Variants in COL11A2 observed in about 807,000 individuals in gnomAD.
The protein encoded by COL11A2 is collagen type XI alpha 2 chain, also known as collagen alpha-2(XI) chain.
Under a neutral mutation model 273.4 loss-of-function variants are expected in COL11A2, and 116 were observed. The observed-to-expected ratio is 0.42, with a 90% confidence interval of 0.36 to 0.49. COL11A2 has a LOEUF of 0.49. Ranked by LOEUF, COL11A2 falls within the 20% of genes least tolerant of loss-of-function variation. The probability of loss-of-function intolerance (pLI) is 0.00; values close to 1 mark genes in which losing one functional copy is unlikely to be tolerated. For synonymous variants in COL11A2, 782 were observed against 864.2 expected (o/e 0.90, Z 1.67); for missense variants, 1,866 against 2,309.0 (o/e 0.81, Z 3.93).
chr6:33,176,221 G>A lies in COL11A2; in HGVS notation c.2214+38C>T. 6.2e-7 allele frequency: 1 copy of A among 1,609,070 alleles called. No homozygotes were observed. Among genetic ancestry groups the A allele is most frequent in the South Asian group, 1.1e-5 (1 of 90,772 alleles). On this transcript the variant is annotated intron_variant, in intron 28 of 65. Coordinates refer to ENST00000341947, the MANE Select transcript of COL11A2 (RefSeq NM_080680.3). This position sits in a 1 kb window ranked among gnomAD's most constrained non-coding sequence, Gnocchi z 4.9. Reference sequence around the variant, plus strand: ...AAGGCAGTGAAGAGAGGAGATGGCAGGACTGAGGTGCTGGGAAGCTGGGGG... The same window carrying A: ...AAGGCAGTGAAGAGAGGAGATGGCAAGACTGAGGTGCTGGGAAGCTGGGGG...
chr6:33,184,405 C>A, intron 7 of COL11A2, 81 bp from the exon 8 acceptor site: 1 of 1,008,778 alleles, frequency 9.9e-7, no homozygotes, highest in Non-Finnish European at 1.4e-6. Context: ...CAGGGTGTGA[C>A]AACTTCTAGC....
chr6:33,176,133 C>T lies in COL11A2; in HGVS notation c.2215-64G>A. Reference sequence around the variant, plus strand: ...GAGGGCTGGGGTTCTAATGGGAATTCTGAGAACATAGGTGGAAGCAGGGGC... The same window carrying T: ...GAGGGCTGGGGTTCTAATGGGAATTTTGAGAACATAGGTGGAAGCAGGGGC... On this transcript the variant is annotated intron_variant, in intron 28 of 65. Coordinates refer to ENST00000341947, the MANE Select transcript of COL11A2 (RefSeq NM_080680.3). The surrounding 1 kb of genome is among the most constrained non-coding windows in gnomAD (Gnocchi z 4.9). 6.2e-7 allele frequency: 1 copy of T among 1,610,102 alleles called. No individual in the cohort carries two copies. Among genetic ancestry groups the T allele is most frequent in the Non-Finnish European group, 8.5e-7 (1 of 1,177,386 alleles).
rs1430903378 is a variant in COL11A2 at position 33,164,494 on chromosome 6, G to T, written c.4864-21C>A. On this transcript the variant is annotated intron_variant, in intron 64 of 65. Transcript: ENST00000341947. The surrounding 1 kb of genome is among the most constrained non-coding windows in gnomAD (Gnocchi z 4.7). The stretch of plus-strand genomic sequence containing the variant: ...GAGAACTGGAAGGAGAGAGAGGGCT[G>T]GCCTCAGAGGGGGAGAGAGAGGGCT... 1 of 1,509,322 alleles carries T rather than the reference G, an allele frequency of 6.6e-7. No individual in the cohort carries two copies. The allele number at this position is 1,509,322 out of a possible 1,614,324, so 93.5% of individuals were successfully genotyped here. A position where few individuals can be genotyped will look rare whatever the true frequency, so the allele number is the denominator to read the frequency against.
intron 8 of COL11A2, among the ~76,000 whole-genome samples, chr6:33,182,719 A>T (rs1771885794): frequency 6.6e-6 from 1 of 152,080 alleles, no homozygotes. Flanking sequence ...TCAAAAAAAA[A>T]AAAAATTGGA....
In COL11A2 at chr6:33,177,048, G is replaced by T; in HGVS notation, c.2017-3C>A. On this transcript the variant is annotated splice_region_variant and splice_polypyrimidine_tract_variant and intron_variant, in intron 24 of 65. Coordinates refer to ENST00000341947, the MANE Select transcript of COL11A2 (RefSeq NM_080680.3). The surrounding 1 kb of genome is among the most constrained non-coding windows in gnomAD (Gnocchi z 5.9). ...AGCCCTGGCTTCCCTTGAGGACCCT[G>T]CAGGAAGACAAAGAGGCTCAGGGTC... 6.2e-7 allele frequency: 1 copy of T among 1,612,370 alleles called. No individual in the cohort carries two copies. The highest frequency in any genetic ancestry group is 8.5e-7 in the Non-Finnish European group (1 of 1,179,706).
At position 33,168,989 on chromosome 6, in the gene COL11A2, C is replaced by G. The variant is rs759985112; in HGVS notation, c.3818G>C (p.Gly1273Ala). The G allele has an allele frequency of 2.5e-6, 4 of 1,609,140 alleles. No individual in the cohort carries two copies. In the African/African-American group the frequency reaches 4.0e-5, roughly 16 times the overall value. ...ACCTTCTCCAGGGGGGCCAGGGTCA[C>G]CAGGAAAACCAACAGGACCCTGATC... ...KGNPGPVGFPGDPGPPGEGGP... is the reference protein window; with the variant it reads ...KGNPGPVGFPADPGPPGEGGP... The change falls in exon 52 of 66, where the codon GGT becomes GCT. Residue 1273 changes from glycine to alanine, a missense_variant. Gly to Ala is a moderately conservative substitution (Grantham distance 60). Coordinates refer to ENST00000341947, the MANE Select transcript of COL11A2 (RefSeq NM_080680.3).
Position 33,169,494 on chromosome 6 carries a change from C to G in COL11A2, c.3691-4G>C. 6.2e-7 allele frequency: 1 copy of G among 1,612,402 alleles called. No individual in the cohort carries two copies. The highest frequency in any genetic ancestry group is 1.1e-5 in the South Asian group (1 of 91,078). ...CTCCACGTTCCCCGCGTGGACCCTG[C>G]AGAACAAGCGGAGGACACAGATGGC... is the stretch of plus-strand genomic sequence containing the variant. On this transcript the variant is annotated splice_polypyrimidine_tract_variant and splice_region_variant and intron_variant, in intron 50 of 65. Coordinates refer to ENST00000341947, the MANE Select transcript of COL11A2 (RefSeq NM_080680.3). The surrounding 1 kb of genome is among the most constrained non-coding windows in gnomAD (Gnocchi z 5.5).
Position 33,173,572 on chromosome 6 carries a change from G to A in COL11A2, c.2629-17C>T. The A allele has an allele frequency of 7.0e-7, 1 of 1,432,828 alleles. No homozygotes were observed. The highest frequency in any genetic ancestry group is 9.5e-7 in the Non-Finnish European group (1 of 1,052,074). 88.8% of individuals were successfully genotyped at this position (1,432,828 alleles called of 1,614,324 possible). On this transcript the variant is annotated splice_polypyrimidine_tract_variant and intron_variant, in intron 35 of 65. Coordinates refer to ENST00000341947, the MANE Select transcript of COL11A2 (RefSeq NM_080680.3). The surrounding 1 kb of genome is among the most constrained non-coding windows in gnomAD (Gnocchi z 6.3). ...AGGGAGGCCCTAGAGACAGAGGTGG[G>A]GGGAGTCAGGAGAATGGGGGCAGGG...
rs1002781001 is a variant in COL11A2 at position 33,173,079 on chromosome 6, G to A, written c.2771C>T (p.Pro924Leu). Reference sequence around the variant, plus strand: ...ACCTACCTGAGGTCCCACCACTCCTGGAGGACCAGGGGGGCCGGTCTTCCC... The same window carrying A: ...ACCTACCTGAGGTCCCACCACTCCTAGAGGACCAGGGGGGCCGGTCTTCCC... ...FQGKTGPPGP[P>L]GVVGPQGAAG... Residue 924 changes from proline (P) to leucine (L), a missense_variant, in exon 38 of 66, where the codon CCA becomes CTA. By Grantham distance (98) the Pro-to-Leu change is moderately conservative. Transcript: ENST00000341947. This position sits in a 1 kb window ranked among gnomAD's most constrained non-coding sequence, Gnocchi z 6.3. 6.2e-7 allele frequency: 1 copy of A among 1,612,644 alleles called. No homozygotes were observed. The highest frequency in any genetic ancestry group is 8.5e-7 in the Non-Finnish European group (1 of 1,179,842).
rs752154636 is a variant in COL11A2 at position 33,175,579 on chromosome 6, C to T, written c.2371G>A (p.Glu791Lys). The T allele has an allele frequency of 3.7e-6, 6 of 1,612,606 alleles. No homozygotes were observed. In the South Asian group the frequency reaches 4.4e-5, roughly 12 times the overall value. ...GDPGPPGLMG[E>K]KGKLGVPGLP... ...CAGAACCCTCATCCCATCACCTTCTCGCCCATGAGCCCTGGGGGCCCAGGG... is the reference window on the plus strand; with the variant it reads ...CAGAACCCTCATCCCATCACCTTCTTGCCCATGAGCCCTGGGGGCCCAGGG... The change falls in exon 30 of 66, where the codon GAG becomes AAG. Residue 791 changes from glutamate to lysine, a missense_variant. By Grantham distance (56) the Glu-to-Lys change is moderately conservative. Coordinates refer to ENST00000341947, the MANE Select transcript of COL11A2 (RefSeq NM_080680.3).
chr6:33,189,334 C>A lies in COL11A2; in HGVS notation c.218G>T (p.Arg73Leu). Reference sequence around the variant, plus strand: ...GTCACCCATACCTGGGAAAAGCTGGCGAGTGGGTGCACTGAGCTGGGCAGG... The same window carrying A: ...GTCACCCATACCTGGGAAAAGCTGGAGAGTGGGTGCACTGAGCTGGGCAGG... The part of the protein sequence containing the change: ...ARPAQLSAPT[R>L]QLFPGGFPKD... Residue 73 changes from arginine to leucine, a missense_variant, in exon 2 of 66, where the codon CGC becomes CTC. Transcript: ENST00000341947. This position sits in a 1 kb window ranked among gnomAD's most constrained non-coding sequence, Gnocchi z 5.6. The A allele has an allele frequency of 6.2e-7, 1 of 1,613,656 alleles. No individual in the cohort carries two copies. Among genetic ancestry groups the A allele is most frequent in the South Asian group, 1.1e-5 (1 of 91,080 alleles).
intron 29 of COL11A2, 135 bp downstream of exon 29, chr6:33,175,881 G>A (rs1179012268): frequency 2.5e-6 from 3 of 1,182,652 alleles, no homozygotes; most frequent in Admixed American, 1.7e-5. Context: ...ATCCTGTAGG[G>A]GTCAGGCTCC....
intron 8 of COL11A2, among the ~76,000 whole-genome samples, chr6:33,183,206 T>C (rs1404973973): frequency 1.3e-5 from 2 of 151,892 alleles, no homozygotes; most frequent in East Asian, 1.9e-4. Flanking sequence ...TGACAAACAC[T>C]TGGAAGCAAG....
Position 33,164,779 on chromosome 6 carries a change from A to C in COL11A2, c.4863+73T>G. The C allele has an allele frequency of 7.2e-7, 1 of 1,379,882 alleles. No homozygotes were observed. The highest frequency in any genetic ancestry group is 1.3e-5 in the South Asian group (1 of 79,716). The allele number at this position is 1,379,882 out of a possible 1,614,324, so 85.5% of individuals were successfully genotyped here. On this transcript the variant is annotated intron_variant, in intron 64 of 65. Coordinates refer to ENST00000341947, the MANE Select transcript of COL11A2 (RefSeq NM_080680.3). This position sits in a 1 kb window ranked among gnomAD's most constrained non-coding sequence, Gnocchi z 4.7. Reference sequence around the variant, plus strand: ...GCAACAGCCAGGGGACTGTCACCAAAACCCAGAAACCACTAAGCCCTGAGG... The same window carrying C: ...GCAACAGCCAGGGGACTGTCACCAACACCCAGAAACCACTAAGCCCTGAGG...
At position 33,190,228 on chromosome 6, in the gene COL11A2, G is replaced by C. The variant is rs1175925468; in HGVS notation, c.83-759C>G. On this transcript the variant is annotated intron_variant, in intron 1 of 65. Transcript: ENST00000341947. This position sits in a 1 kb window ranked among gnomAD's most constrained non-coding sequence, Gnocchi z 4.5. ...GGAGGAATGGGGGGCAGGGGCTGAA[G>C]CTGCCACGAGGAGCCGGAACAGGTC... is the stretch of plus-strand genomic sequence containing the variant. 4.6e-5 allele frequency among the ~76,000 whole-genome samples: 7 copies of C among 152,032 alleles called. No homozygotes were observed. The highest frequency in any genetic ancestry group is 1.0e-4 in the Non-Finnish European group (7 of 67,992).
chr6:33,180,649 A>C lies in COL11A2; in HGVS notation c.1284+19T>G. On this transcript the variant is annotated intron_variant, in intron 11 of 65. Transcript: ENST00000341947. The stretch of plus-strand genomic sequence containing the variant: ...AGCTCCCCCGAAGCTCCCCCGTCAC[A>C]TGGAGGACACCCCCTTACCCTCTCT... 6.3e-7 allele frequency: 1 copy of C among 1,595,366 alleles called. No homozygotes were observed. Among genetic ancestry groups the C allele is most frequent in the Non-Finnish European group, 8.5e-7 (1 of 1,171,054 alleles).
intron 54 of COL11A2, among the ~76,000 whole-genome samples, chr6:33,168,149 C>A (rs1270305824): frequency 6.6e-6 from 1 of 152,078 alleles, no homozygotes; most frequent in Non-Finnish European, 1.5e-5. Flanking sequence ...AGCTGGCCAG[C>A]CCCTCCTCCA....
rs1211181970 is a variant in COL11A2, at chr6:33,170,078, C to T, written c.3605G>A (p.Gly1202Asp). 6.2e-7 allele frequency: 1 copy of T among 1,612,944 alleles called. No individual in the cohort carries two copies. Among genetic ancestry groups the T allele is most frequent in the Non-Finnish European group, 8.5e-7 (1 of 1,180,036 alleles). ...TCCAGGGGGACCCAGGTTCCCAACA[C>T]CTCCTGGGGGACCTTGTGGGCCCTG... ...GADGPQGPPG[G>D]VGNLGPPGEK... The change falls in exon 49 of 66, where the codon GGT (glycine) becomes GAT (aspartate). Residue 1202 changes from glycine (G) to aspartate (D), a missense_variant. Coordinates refer to ENST00000341947, the MANE Select transcript of COL11A2 (RefSeq NM_080680.3). This position sits in a 1 kb window ranked among gnomAD's most constrained non-coding sequence, Gnocchi z 4.3.
chr6:33,166,927 C>A lies in COL11A2; in HGVS notation c.4231-100G>T, dbSNP rs141473267. ...TGGAGAGGGAGCCGGGCACAGGGTC[C>A]GTGAGTGGCCCTCACTGAGCAGGGA... On this transcript the variant is annotated intron_variant, in intron 58 of 65. Coordinates refer to ENST00000341947, the MANE Select transcript of COL11A2 (RefSeq NM_080680.3). This position sits in a 1 kb window ranked among gnomAD's most constrained non-coding sequence, Gnocchi z 4.8. The A allele has an allele frequency of 2.0e-6, 3 of 1,505,900 alleles. No individual in the cohort carries two copies. In the South Asian group the frequency reaches 3.5e-5, roughly 18 times the overall value. 93.3% of individuals were successfully genotyped at this position (1,505,900 alleles called of 1,614,324 possible).
Sources: gnomAD v4.1 joint callset for allele counts (sites outside exome capture counted in the v4.1 genomes callset) on GRCh38, gnomAD v4.1.1 for gene constraint, Gnocchi (gnomAD v3.1) non-coding constraint, MANE v1.5 for transcripts, NCBI Gene and HGNC (gene_info 2026-07-23, HGNC 2026-07-21) for gene names.